Variants in MEIS2 observed in about 807,000 individuals in gnomAD.
MEIS2 encodes homeobox protein Meis2.
Under a neutral mutation model 58.6 loss-of-function variants are expected in MEIS2, and 9 were observed. The observed-to-expected ratio is 0.15, with a 90% CI of 0.09 to 0.27. MEIS2 has a LOEUF of 0.27. Among genes scored for constraint, MEIS2 ranks in the 10% least tolerant of loss-of-function variants. The probability of loss-of-function intolerance (pLI) is 1.00; values close to 1 mark genes in which losing one functional copy is unlikely to be tolerated. For synonymous variants in MEIS2, 221 were observed against 228.4 expected, an observed-to-expected ratio of 0.97 and a Z score of 0.29; for missense variants, 427 against 635.0, an observed-to-expected ratio of 0.67 and a Z score of 3.52.
intron 8 of MEIS2, among the ~76,000 whole-genome samples, chr15:37,022,729 C>T (rs539256160): frequency 6.9e-4 from 105 of 152,232 alleles, no homozygotes; most frequent in African/African-American, 2.4e-3. Flanking sequence ...AACCTCGTCT[C>T]CCAGGAGGGA....
At position 37,099,656 on chromosome 15, in the gene MEIS2, G is replaced by A; in HGVS notation, c.-190C>T. Reference sequence around the variant, plus strand: ...TAGACAACGAAGAATTTTTTTTTCTGTGATATTTCTTCTTTTTCTCTTTTT... The same window carrying A: ...TAGACAACGAAGAATTTTTTTTTCTATGATATTTCTTCTTTTTCTCTTTTT... On this transcript the variant is annotated 5_prime_UTR_variant, in exon 1 of 12. Transcript: ENST00000561208. 1.5e-6 allele frequency: 1 copy of A among 683,608 alleles called. No individual in the cohort carries two copies. The highest frequency in any genetic ancestry group is 3.0e-5 in the East Asian group (1 of 32,928). 42.3% of individuals were successfully genotyped at this position (683,608 alleles called of 1,614,324 possible). A position where few individuals can be genotyped will look rare whatever the true frequency, so the allele number is the denominator to read the frequency against.
chr15:37,077,169 A>G (rs562886005), intron 7 of MEIS2, among the ~76,000 whole-genome samples: 22 of 152,270 alleles, frequency 1.4e-4, no homozygotes, highest in African/African-American at 5.3e-4. Context: ...TCAAAGCTCA[A>G]GGAGGACATA....
chr15:37,088,038 T>C (rs917997467), intron 6 of MEIS2, among the ~76,000 whole-genome samples: 12 of 152,130 alleles, frequency 7.9e-5, no homozygotes, highest in African/African-American at 2.9e-4. Flanking sequence ...GCAGTGGACA[T>C]GGTATAGGAA....
chr15:36,985,871 T>C (rs1480275261), intron 8 of MEIS2, among the ~76,000 whole-genome samples: 1 of 152,200 alleles, frequency 6.6e-6, no homozygotes, highest in Non-Finnish European at 1.5e-5. Flanking sequence ...GACAGAGTTG[T>C]GAAGCATATT....
chr15:36,996,016 C>CAT (rs1385595314), intron 8 of MEIS2, among the ~76,000 whole-genome samples: 3 of 86,292 alleles, frequency 3.5e-5, no homozygotes, highest in Admixed American at 1.5e-4. Context: ...TATATATATA[C>CAT]ATATGTGTAT....
At chr15:37,057,445 C>A (rs1021393037) in intron 7 of MEIS2, among the ~76,000 whole-genome samples, 1 of 152,104 alleles carries the variant, frequency 6.6e-6, no homozygotes, top group Non-Finnish European at 1.5e-5. Context: ...GTTTTGCTGG[C>A]CTTTGTGCTG....
intron 8 of MEIS2, among the ~76,000 whole-genome samples, chr15:37,008,241 C>T (rs2060994746): frequency 6.6e-6 from 1 of 152,206 alleles, no homozygotes; most frequent in African/African-American, 2.4e-5. Context: ...CTTGGCGTTA[C>T]ATTTTTGACT....
At chr15:37,015,901 T>C (rs2061334947) in intron 8 of MEIS2, among the ~76,000 whole-genome samples, 2 of 152,264 alleles carry the variant, frequency 1.3e-5, no homozygotes, top group East Asian at 3.9e-4. Flanking sequence ...GTGTATATCC[T>C]TTCTTTCTAT....
intron 9 of MEIS2, among the ~76,000 whole-genome samples, chr15:36,944,454 G>A (rs2058487201): frequency 6.6e-6 from 1 of 151,950 alleles, no homozygotes; most frequent in African/African-American, 2.4e-5. Context: ...AGTGACTGTC[G>A]GCAAGAAAAT....
chr15:37,031,146 T>A (rs180904245), intron 8 of MEIS2, among the ~76,000 whole-genome samples: 1 of 152,158 alleles, frequency 6.6e-6, no homozygotes, highest in African/African-American at 2.4e-5. Context: ...TTTCACTTAA[T>A]CCTTAAAATA....
chr15:37,081,164 T>C (rs777954096), intron 7 of MEIS2, among the ~76,000 whole-genome samples: 1 of 152,242 alleles, frequency 6.6e-6, no homozygotes. Flanking sequence ...GTACAATTCA[T>C]CCCTATTTTT....
intron 7 of MEIS2, among the ~76,000 whole-genome samples, chr15:37,049,826 C>T (rs1275035939): frequency 2.0e-5 from 3 of 150,822 alleles, no homozygotes; most frequent in Non-Finnish European, 4.4e-5. Flanking sequence ...CCTCCCACTA[C>T]AAATAAGCAT....
chr15:37,050,750 T>C (rs1433698373), intron 7 of MEIS2: 2 of 152,208 alleles, frequency 1.3e-5, no homozygotes, highest in African/African-American at 2.4e-5. Context: ...GAAATGGTGA[T>C]GTGATGGAAG....
intron 8 of MEIS2, among the ~76,000 whole-genome samples, chr15:37,035,010 G>A (rs2062093149): frequency 6.6e-6 from 1 of 152,140 alleles, no homozygotes; most frequent in South Asian, 2.1e-4. Context: ...TGATGACAGA[G>A]AGGTTGAAAA....
chr15:36,943,425 A>G (rs1012737018), intron 9 of MEIS2, among the ~76,000 whole-genome samples: 5 of 152,148 alleles, frequency 3.3e-5, no homozygotes, highest in African/African-American at 1.2e-4. Context: ...GGATAATTCT[A>G]AAAATCTTCA....
intron 9 of MEIS2, among the ~76,000 whole-genome samples, chr15:36,944,871 T>C (rs1486877694): frequency 6.6e-6 from 1 of 152,024 alleles, no homozygotes; most frequent in Non-Finnish European, 1.5e-5. Flanking sequence ...TATCACTCTA[T>C]CCTTCAATCC....
intron 7 of MEIS2, among the ~76,000 whole-genome samples, chr15:37,056,617 T>C (rs760236685): frequency 2.6e-5 from 4 of 152,172 alleles, no homozygotes; most frequent in Non-Finnish European, 4.4e-5. Context: ...GCAGAACTGA[T>C]TACAGCCCCG....
intron 8 of MEIS2, among the ~76,000 whole-genome samples, chr15:37,009,341 A>G: frequency 6.6e-6 from 1 of 152,328 alleles, no homozygotes; most frequent in South Asian, 2.1e-4. Context: ...GCATAAACCC[A>G]ATATAAATTT....
intron 7 of MEIS2, among the ~76,000 whole-genome samples, chr15:37,042,784 T>C (rs2062482679): frequency 6.6e-6 from 1 of 152,170 alleles, no homozygotes; most frequent in Admixed American, 6.5e-5. Flanking sequence ...AGAGCTTTAA[T>C]TATATTTGAG....
Sources: gnomAD v4.1 joint callset for allele counts (sites outside exome capture counted in the v4.1 genomes callset) on GRCh38, gnomAD v4.1.1 for gene constraint, MANE v1.5 for transcripts, NCBI Gene and HGNC (gene_info 2026-07-23, HGNC 2026-07-21) for gene names.